WWOX: variants seen among roughly 807,000 people sequenced by gnomAD.
WWOX encodes WW domain-containing oxidoreductase.
Under a neutral mutation model 46.2 loss-of-function variants are expected in WWOX, and 69 were observed. The observed-to-expected ratio is 1.49, with a 90% CI of 1.23 to 1.82. WWOX has a LOEUF of 1.82. Ranked by LOEUF, WWOX falls within the 40% of genes most tolerant of loss-of-function variation. The pLI, the probability that WWOX is intolerant of heterozygous loss-of-function variation, is 0.00. For missense variants in WWOX, 919 were observed against 542.6 expected, an observed-to-expected ratio of 1.69 and a Z score of -6.89; for synonymous variants, 359 against 202.6, an observed-to-expected ratio of 1.77 and a Z score of -6.56.
At chr16:79,139,059 C>G (rs573025930) in intron 8 of WWOX, among the ~76,000 whole-genome samples, 2 of 152,190 alleles carry the variant, frequency 1.3e-5, no homozygotes, top group Non-Finnish European at 2.9e-5. Flanking sequence ...ATGGTCCCCC[C>G]TCAGCGTTCA....
chr16:79,087,441 CT>C (rs1208212034), intron 8 of WWOX, among the ~76,000 whole-genome samples: 4 of 152,178 alleles, frequency 2.6e-5, no homozygotes, highest in African/African-American at 9.6e-5. Flanking sequence ...TTGTAGGCAG[CT>C]TTTCATTTTC....
intron 8 of WWOX, among the ~76,000 whole-genome samples, chr16:79,060,665 C>G (rs781322095): frequency 6.6e-6 from 1 of 152,206 alleles, no homozygotes; most frequent in Non-Finnish European, 1.5e-5. Flanking sequence ...TTTGTAAACC[C>G]AATTACGAGC....
intron 8 of WWOX, among the ~76,000 whole-genome samples, chr16:79,012,405 G>C (rs1199115847): frequency 6.6e-6 from 1 of 152,040 alleles, no homozygotes; most frequent in Non-Finnish European, 1.5e-5. Context: ...GCTAATTTTT[G>C]CATTTTTAGT....
At chr16:79,025,233 G>T (rs1269276494) in intron 8 of WWOX, among the ~76,000 whole-genome samples, 1 of 152,214 alleles carries the variant, frequency 6.6e-6, no homozygotes, top group East Asian at 1.9e-4. Context: ...GATTAGCTGA[G>T]AGGCTCTTGC....
intron 5 of WWOX, among the ~76,000 whole-genome samples, chr16:78,320,338 A>G (rs914769681): frequency 3.3e-5 from 5 of 152,160 alleles, no homozygotes; most frequent in African/African-American, 1.2e-4. Flanking sequence ...AGGTTGTCAT[A>G]CTAAATTGGT....
chr16:79,159,243 C>G (rs1188170410), intron 8 of WWOX, among the ~76,000 whole-genome samples: 2 of 152,236 alleles, frequency 1.3e-5, no homozygotes, highest in East Asian at 3.8e-4. Context: ...CTGAAACCCT[C>G]ACTCCCACCT....
rs79449036 is a variant in WWOX, at chr16:79,159,518, C to G, written c.1057-52090C>G. 5.5e-3 allele frequency among the ~76,000 whole-genome samples: 839 copies of G among 152,162 alleles called. 3 individuals are homozygous for G. The highest frequency in any genetic ancestry group is 9.1e-3 in the Non-Finnish European group (617 of 68,006). ...GTTATACCACTGATTATATTTGAGACTTGTACACAAGACCAGGGCACTCAG... is the reference window on the plus strand; with the variant it reads ...GTTATACCACTGATTATATTTGAGAGTTGTACACAAGACCAGGGCACTCAG... On this transcript the variant is annotated intron_variant, in intron 8 of 8. Transcript: ENST00000566780.
At chr16:78,229,835 A>G (rs540965723) in intron 5 of WWOX, among the ~76,000 whole-genome samples, 116 of 152,094 alleles carry the variant, frequency 7.6e-4, no homozygotes, top group African/African-American at 2.8e-3. Context: ...CCCAAGAGCC[A>G]TATCTCAGCT....
At chr16:78,614,719 C>T (rs980040685) in intron 8 of WWOX, among the ~76,000 whole-genome samples, 5 of 152,226 alleles carry the variant, frequency 3.3e-5, no homozygotes, top group African/African-American at 1.2e-4. Flanking sequence ...GGGCCAACAG[C>T]AGGCTCTTCC....
At chr16:79,003,946 G>C (rs2047143270) in intron 8 of WWOX, among the ~76,000 whole-genome samples, 1 of 152,126 alleles carries the variant, frequency 6.6e-6, no homozygotes, top group Non-Finnish European at 1.5e-5. Context: ...TGGGGCCTTT[G>C]CTCTTTGCCC....
intron 8 of WWOX, among the ~76,000 whole-genome samples, chr16:78,500,681 T>A (rs2085039265): frequency 6.6e-6 from 1 of 152,174 alleles, no homozygotes; most frequent in Non-Finnish European, 1.5e-5. Context: ...CAAGCAGTCT[T>A]CCAGCTGGAC....
chr16:79,033,943 G>A (rs897706967), intron 8 of WWOX, among the ~76,000 whole-genome samples: 1 of 152,176 alleles, frequency 6.6e-6, no homozygotes, highest in Non-Finnish European at 1.5e-5. Flanking sequence ...AGGGATGTTG[G>A]AACTGGGTGG....
rs555258340 is a variant in WWOX, at chr16:78,722,307, T to C, written c.1056+289555T>C. ...CAGTTTTCTCAAGTGACTTTGAGCA[T>C]CTTTACTCAAGGCTCTTGGTCTCAG... On this transcript the variant is annotated intron_variant, in intron 8 of 8. Coordinates refer to ENST00000566780, the MANE Select transcript of WWOX (RefSeq NM_016373.4). 2.0e-5 allele frequency among the ~76,000 whole-genome samples: 3 copies of C among 152,314 alleles called. No homozygotes were observed. In the South Asian group the frequency reaches 6.2e-4, roughly 32 times the overall value.
intron 8 of WWOX, among the ~76,000 whole-genome samples, chr16:79,023,330 C>T (rs1323047879): frequency 6.6e-6 from 1 of 152,178 alleles, no homozygotes; most frequent in African/African-American, 2.4e-5. Flanking sequence ...TGATCAGCTT[C>T]CAGCATCCTC....
intron 8 of WWOX, among the ~76,000 whole-genome samples, chr16:78,652,808 T>A (rs997241021): frequency 3.9e-5 from 6 of 152,232 alleles, no homozygotes; most frequent in African/African-American, 1.4e-4. Context: ...GTGAATTTAT[T>A]CATCTTCCTT....
intron 8 of WWOX, among the ~76,000 whole-genome samples, chr16:79,054,557 C>G (rs965603537): frequency 6.6e-6 from 1 of 152,138 alleles, no homozygotes; most frequent in Non-Finnish European, 1.5e-5. Context: ...TACAGTGGCT[C>G]ACACCTGTAA....
chr16:79,016,384 G>C (rs2047413089), intron 8 of WWOX: 1 of 152,062 alleles, frequency 6.6e-6, no homozygotes, highest in Non-Finnish European at 1.5e-5. Context: ...TTCCCCACTT[G>C]CCCACGAGCA....
At chr16:78,756,658 T>A (rs879068994) in intron 8 of WWOX, among the ~76,000 whole-genome samples, 1 of 152,318 alleles carries the variant, frequency 6.6e-6, no homozygotes, top group Non-Finnish European at 1.5e-5. Context: ...CTCCTTTGTT[T>A]CACCCTGTTT....
intron 8 of WWOX, among the ~76,000 whole-genome samples, chr16:78,886,492 A>G (rs1321480681): frequency 6.6e-6 from 1 of 151,872 alleles, no homozygotes; most frequent in Non-Finnish European, 1.5e-5. Context: ...TCTCTGTACA[A>G]AATTCCGTAT....
Sources: allele counts gnomAD v4.1 joint callset (sites outside exome capture counted in the v4.1 genomes callset), GRCh38; gene constraint gnomAD v4.1.1; transcripts MANE v1.5; gene names NCBI Gene and HGNC (gene_info 2026-07-23, HGNC 2026-07-21).